CSKMT: variants seen among roughly 807,000 people sequenced by gnomAD.
The protein encoded by CSKMT is citrate synthase lysine methyltransferase.
CSKMT carries 6 observed loss-of-function variants against 4.6 expected under a neutral mutation model. The observed-to-expected ratio is 1.31, with a 90% CI of 0.72 to 2.59. The LOEUF is 2.59. Ranked by LOEUF, CSKMT falls within the 30% of genes most tolerant of loss-of-function variation. The pLI is 0.00. For synonymous variants in CSKMT, 142 were observed against 128.9 expected, an observed-to-expected ratio of 1.10 and a Z score of -0.69; for missense variants, 328 against 298.0, an observed-to-expected ratio of 1.10 and a Z score of -0.74.
At chr11:62,665,555 A>C (rs1444379245) in intron 1 of CSKMT, 92 bp from the exon 2 acceptor site, 3 of 1,568,472 alleles carry the variant, frequency 1.9e-6, no homozygotes, top group Non-Finnish European at 1.7e-6. Context: ...TTCTATCCTC[A>C]AACGCCGGGA....
rs1320147467 is a variant in CSKMT, at chr11:62,667,112, T to A, written c.*61T>A. 1.3e-6 allele frequency: 2 copies of A among 1,485,018 alleles called. No individual in the cohort carries two copies. Among genetic ancestry groups the A allele is most frequent in the Non-Finnish European group, 1.8e-6 (2 of 1,106,060 alleles). 92.0% of individuals were successfully genotyped at this position (1,485,018 alleles called of 1,614,324 possible). The stretch of plus-strand genomic sequence containing the variant: ...GGGCAAGGAGAGGGCTGAAGAACTG[T>A]CTTTGCAAGCTATCTGGCTGCAAAG... On this transcript the variant is annotated 3_prime_UTR_variant, in exon 3 of 3. Coordinates refer to ENST00000532971, the MANE Select transcript of CSKMT (RefSeq NM_001043229.2).
At chr11:62,666,009 G>A in intron 2 of CSKMT, 63 bp downstream of exon 2, 2 of 1,547,150 alleles carry the variant, frequency 1.3e-6, no homozygotes, top group South Asian at 1.1e-5. Flanking sequence ...GGTAAGGTGG[G>A]TTCCTCGTGA....
At chr11:62,665,494 C>T (rs780214243) in intron 1 of CSKMT, 153 bp from the exon 2 acceptor site, 14 of 1,574,626 alleles carry the variant, frequency 8.9e-6, no homozygotes, top group Non-Finnish European at 9.4e-6. Flanking sequence ...GGAAAGGGCT[C>T]TGGCCCCCTC....
At chr11:62,665,612 C>G in intron 1 of CSKMT, 35 bp from the exon 2 acceptor site, 3 of 1,556,166 alleles carry the variant, frequency 1.9e-6, no homozygotes, top group Non-Finnish European at 2.6e-6. Flanking sequence ...CTGGCTCCTC[C>G]ATCGGGGTGC....
chr11:62,667,100 G>A lies in CSKMT; in HGVS notation c.*49G>A, dbSNP rs575837186. The A allele has an allele frequency of 9.3e-6, 14 of 1,506,514 alleles. No individual in the cohort carries two copies. The South Asian group carries it at 1.7e-4, about 19-fold the overall frequency. The allele number at this position is 1,506,514 out of a possible 1,614,324, so 93.3% of individuals were successfully genotyped here. On this transcript the variant is annotated 3_prime_UTR_variant, in exon 3 of 3. Transcript: ENST00000532971. ...TAGTATTTCTGTGGGCAAGGAGAGGGCTGAAGAACTGTCTTTGCAAGCTAT... is the reference window on the plus strand; with the variant it reads ...TAGTATTTCTGTGGGCAAGGAGAGGACTGAAGAACTGTCTTTGCAAGCTAT...
In CSKMT at chr11:62,666,482, G is replaced by C. The variant is rs1422845975; in HGVS notation, c.154G>C (p.Asp52His). Residue 52 changes from aspartate (D) to histidine (H), a missense_variant, in exon 3 of 3, where the codon GAC becomes CAC. Transcript: ENST00000532971. The part of the protein sequence containing the change: ...QPRLGTVPTF[D>H]WFFGYDEVQG... ...TCGTTTGGGCACTGTCCCCACCTTC[G>C]ACTGGTTCTTTGGATACGACGAAGT... 6.2e-7 allele frequency: 1 copy of C among 1,613,954 alleles called. No individual in the cohort carries two copies. Among genetic ancestry groups the C allele is most frequent in the Admixed American group, 1.7e-5 (1 of 60,010 alleles).
rs772599611 is a variant in CSKMT at position 62,667,714 on chromosome 11, G to T, written c.*663G>T. 3 of 1,613,126 alleles carry T rather than the reference G, an allele frequency of 1.9e-6. No individual in the cohort carries two copies. The South Asian group carries it at 3.3e-5, about 18-fold the overall frequency. Reference sequence around the variant, plus strand: ...GAGTCCAGCGTTAAATGTTCTTAAAGGACTTCTAGGGTCCTGTGGGCTCCA... The same window carrying T: ...GAGTCCAGCGTTAAATGTTCTTAAATGACTTCTAGGGTCCTGTGGGCTCCA... On this transcript the variant is annotated 3_prime_UTR_variant, in exon 3 of 3. Coordinates refer to ENST00000532971, the MANE Select transcript of CSKMT (RefSeq NM_001043229.2).
rs754080939 is a variant in CSKMT, at chr11:62,665,605, GC to G, written c.-233-41del. The G allele has an allele frequency of 1.9e-6, 3 of 1,565,606 alleles. No individual in the cohort carries two copies. In the Admixed American group the frequency reaches 5.3e-5, roughly 27 times the overall value. ...GAGAAGGACAACCGAGATCCAGCTGGCTCCTCCATCGGGGTGCTCACACTTT... is the reference window on the plus strand; with the variant it reads ...GAGAAGGACAACCGAGATCCAGCTGGTCCTCCATCGGGGTGCTCACACTTT... On this transcript the variant is annotated intron_variant, in intron 1 of 2. Coordinates refer to ENST00000532971, the MANE Select transcript of CSKMT (RefSeq NM_001043229.2).
chr11:62,666,553 T>G lies in CSKMT; in HGVS notation c.225T>G (p.Ser75Arg). 3 of 1,614,142 alleles carry G rather than the reference T, an allele frequency of 1.9e-6. No homozygotes were observed. The highest frequency in any genetic ancestry group is 2.5e-6 in the Non-Finnish European group (3 of 1,180,014). Residue 75 changes from serine to arginine, a missense_variant, in exon 3 of 3, where the codon AGT (serine) becomes AGG (arginine). Coordinates refer to ENST00000532971, the MANE Select transcript of CSKMT (RefSeq NM_001043229.2). The part of the protein sequence containing the change: ...LPLLQEAQAA[S>R]PLRVLDVGCG... ...TGCTGCAGGAGGCACAGGCTGCCAG[T>G]CCTCTGCGAGTGCTGGATGTGGGCT...
chr11:62,666,539 G>A lies in CSKMT; in HGVS notation c.211G>A (p.Ala71Thr), dbSNP rs759890869. ...GCTCCTACTGCCATTGCTGCAGGAG[G>A]CACAGGCTGCCAGTCCTCTGCGAGT... ...QGLLLPLLQE[A>T]QAASPLRVLD... Residue 71 changes from alanine to threonine, a missense_variant, in exon 3 of 3, where the codon GCA becomes ACA. Ala to Thr is a moderately conservative substitution (Grantham distance 58, BLOSUM62 0). Coordinates refer to ENST00000532971, the MANE Select transcript of CSKMT (RefSeq NM_001043229.2). 2.5e-6 allele frequency: 4 copies of A among 1,614,166 alleles called. No individual in the cohort carries two copies. In the Admixed American group the frequency reaches 5.0e-5, roughly 20 times the overall value.
Position 62,666,534 on chromosome 11 carries a change from A to G in CSKMT, c.206A>G (p.Gln69Arg). The G allele has an allele frequency of 6.2e-7, 1 of 1,614,174 alleles. No individual in the cohort carries two copies. The highest frequency in any genetic ancestry group is 8.5e-7 in the Non-Finnish European group (1 of 1,180,048). The change falls in exon 3 of 3, where the codon CAG becomes CGG. Residue 69 changes from glutamine (Q) to arginine (R), a missense_variant. Transcript: ENST00000532971. ...CAGGGGCTCCTACTGCCATTGCTGC[A>G]GGAGGCACAGGCTGCCAGTCCTCTG... ...EVQGLLLPLL[Q>R]EAQAASPLRV...
rs1448696840 is a variant in CSKMT, at chr11:62,667,031, T to C, written c.703T>C (p.Leu235=). The stretch of plus-strand genomic sequence containing the variant: ...CAGGGGCATCACCTACTTTGCTTAC[T>C]TGATTCAAGGCTCTCATTAAAGACA... ...PFRGITYFAY[L]IQGSH The change falls in exon 3 of 3, where the codon TTG becomes CTG. Residue 235 remains leucine (L), a synonymous_variant. Coordinates refer to ENST00000532971, the MANE Select transcript of CSKMT (RefSeq NM_001043229.2). 3 of 1,605,832 alleles carry C rather than the reference T, an allele frequency of 1.9e-6. No homozygotes were observed. Among genetic ancestry groups the C allele is most frequent in the Non-Finnish European group, 2.6e-6 (3 of 1,175,924 alleles).
In CSKMT at chr11:62,667,865, C is replaced by T; in HGVS notation, c.*814C>T. The T allele has an allele frequency of 1.4e-6, 1 of 713,856 alleles. No individual in the cohort carries two copies. The highest frequency in any genetic ancestry group is 2.4e-6 in the Non-Finnish European group (1 of 418,106). 44.2% of individuals were successfully genotyped at this position (713,856 alleles called of 1,614,324 possible). On this transcript the variant is annotated 3_prime_UTR_variant, in exon 3 of 3. Coordinates refer to ENST00000532971, the MANE Select transcript of CSKMT (RefSeq NM_001043229.2). The stretch of plus-strand genomic sequence containing the variant: ...CAGCACTTTGGGAGGCCAAGGTGGG[C>T]AGATTGCTTGAGCCCTGGCAATAAA...
Position 62,666,678 on chromosome 11 carries a change from A to G in CSKMT, c.350A>G (p.Asn117Ser). ...DFSPVAVAHM[N>S]SLLEGGPGQT... ...TCTCCTGTGGCTGTGGCCCACATGA[A>G]TAGCCTCCTGGAGGGTGGCCCAGGC... The change falls in exon 3 of 3, where the codon AAT becomes AGT. Residue 117 changes from asparagine (N) to serine (S), a missense_variant. Physicochemically the swap from Asn to Ser is conservative, Grantham distance 46 (BLOSUM62 1). Transcript: ENST00000532971. The G allele has an allele frequency of 1.2e-6, 2 of 1,614,066 alleles. No homozygotes were observed. Among genetic ancestry groups the G allele is most frequent in the Non-Finnish European group, 1.7e-6 (2 of 1,180,016 alleles).
chr11:62,666,235 C>T lies in CSKMT; in HGVS notation c.68-161C>T, dbSNP rs980072163. ...CCTATAGTCCTAGCTACTCAGGAGG[C>T]TGAGGTGGAGGCTTCAGTGAGCCAT... On this transcript the variant is annotated intron_variant, in intron 2 of 2. Coordinates refer to ENST00000532971, the MANE Select transcript of CSKMT (RefSeq NM_001043229.2). The T allele has an allele frequency of 3.8e-6, 3 of 798,996 alleles. No homozygotes were observed. The African/African-American group carries it at 5.2e-5, about 14-fold the overall frequency. The allele number at this position is 798,996 out of a possible 1,614,324, so 49.5% of individuals were successfully genotyped here.
rs200807075 is a variant in CSKMT at position 62,667,765 on chromosome 11, A to C, written c.*714A>C. 17 of 1,526,540 alleles carry C rather than the reference A, an allele frequency of 1.1e-5. No individual in the cohort carries two copies. The Admixed American group carries it at 2.5e-4, about 22-fold the overall frequency. 94.6% of individuals were successfully genotyped at this position (1,526,540 alleles called of 1,614,324 possible). A position where few individuals can be genotyped will look rare whatever the true frequency, so the allele number is the denominator to read the frequency against. On this transcript the variant is annotated 3_prime_UTR_variant, in exon 3 of 3. Transcript: ENST00000532971. ...AGCCCAGCCTGGGATGGAGGAAGAG[A>C]GGGGACAAAAATATTACTGATATAT...
At position 62,667,705 on chromosome 11, in the gene CSKMT, GTTC is replaced by G. The variant is rs1315602439; in HGVS notation, c.*657_*659del. 6.2e-7 allele frequency: 1 copy of G among 1,613,934 alleles called. No individual in the cohort carries two copies. Among genetic ancestry groups the G allele is most frequent in the Admixed American group, 1.7e-5 (1 of 60,000 alleles). On this transcript the variant is annotated 3_prime_UTR_variant, in exon 3 of 3. Transcript: ENST00000532971. ...CCCCCAGCTGAGTCCAGCGTTAAAT[GTTC>G]TTAAAGGACTTCTAGGGTCCTGTGG...
At position 62,666,873 on chromosome 11, in the gene CSKMT, C is replaced by A. The variant is rs1341148702; in HGVS notation, c.545C>A (p.Ser182Ter). The stretch of plus-strand genomic sequence containing the variant: ...CTGCCTAGGGCTTACCAGCTTCTAT[C>A]AGAATGCTTGAGGGTTCTAAACCCT... Reference protein sequence around the residue: ...GGLPRAYQLLSECLRVLNPQG... With the variant: ...GGLPRAYQLL Residue 182 changes from serine (S) to a stop codon, truncating the protein, a stop_gained, in exon 3 of 3, where the codon TCA becomes TAA. Transcript: ENST00000532971. LOFTEE classifies it high-confidence loss of function. 6.2e-7 allele frequency: 1 copy of A among 1,614,172 alleles called. No homozygotes were observed. The highest frequency in any genetic ancestry group is 8.5e-7 in the Non-Finnish European group (1 of 1,180,032).
Position 62,667,411 on chromosome 11 carries a change from C to G in CSKMT, c.*360C>G. ...TGACTGACTTGTATAATCTAGTGGC[C>G]TAACCTGTAAGCCTCATTTTTGTCA... is the stretch of plus-strand genomic sequence containing the variant. On this transcript the variant is annotated 3_prime_UTR_variant, in exon 3 of 3. Coordinates refer to ENST00000532971, the MANE Select transcript of CSKMT (RefSeq NM_001043229.2). 1.8e-6 allele frequency: 2 copies of G among 1,124,330 alleles called. No individual in the cohort carries two copies. Among genetic ancestry groups the G allele is most frequent in the South Asian group, 2.6e-5 (2 of 76,172 alleles). The allele number at this position is 1,124,330 out of a possible 1,614,324, so 69.6% of individuals were successfully genotyped here.
Sources: gnomAD v4.1 joint callset for allele counts on GRCh38, gnomAD v4.1.1 for gene constraint, MANE v1.5 for transcripts, NCBI Gene and HGNC (gene_info 2026-07-23, HGNC 2026-07-21) for gene names.